MAGI2: variants seen among roughly 807,000 people sequenced by gnomAD.
The protein encoded by MAGI2 is membrane associated guanylate kinase, WW and PDZ domain containing 2.
Under a neutral mutation model 133.3 loss-of-function variants are expected in MAGI2, and 35 were observed. The observed-to-expected ratio is 0.26, with a 90% CI of 0.20 to 0.35. The LOEUF (loss-of-function observed/expected upper bound fraction) is 0.35. Ranked by LOEUF, MAGI2 falls within the 10% of genes least tolerant of loss-of-function variation. MAGI2 has a pLI of 1.00. For synonymous variants in MAGI2, 729 were observed against 710.6 expected (o/e 1.03, Z -0.41); for missense variants, 1,636 against 1,863.4 (o/e 0.88, Z 2.25).
chr7:78,556,234 CA>C (rs1799812091), intron 3 of MAGI2, among the ~76,000 whole-genome samples: 1 of 152,120 alleles, frequency 6.6e-6, no homozygotes, highest in African/African-American at 2.4e-5. Context: ...GAATGACTTA[CA>C]GGGGTCAACT....
intron 1 of MAGI2, among the ~76,000 whole-genome samples, chr7:79,240,954 A>T (rs1458613543): frequency 3.9e-5 from 6 of 152,136 alleles, no homozygotes; most frequent in Non-Finnish European, 8.8e-5. Flanking sequence ...TCCCTTCAAA[A>T]AGTAAACAGA....
At chr7:78,880,090 A>T (rs1563616311) in intron 2 of MAGI2, among the ~76,000 whole-genome samples, 1 of 152,122 alleles carries the variant, frequency 6.6e-6, no homozygotes, top group Admixed American at 6.6e-5. Context: ...AACCAAACCT[A>T]TAAATTACTG....
intron 2 of MAGI2, among the ~76,000 whole-genome samples, chr7:78,841,696 C>A (rs540634581): frequency 3.6e-4 from 55 of 152,110 alleles, no homozygotes; most frequent in Non-Finnish European, 4.3e-4. Flanking sequence ...AATATGCTCT[C>A]ATATTTTCTG....
intron 20 of MAGI2, among the ~76,000 whole-genome samples, chr7:78,107,454 CT>C (rs1343291900): frequency 6.6e-6 from 1 of 152,120 alleles, no homozygotes; most frequent in African/African-American, 2.4e-5. Context: ...GACATTTTAA[CT>C]ATATTAATTC....
chr7:78,514,746 A>G (rs1324510708), intron 4 of MAGI2, among the ~76,000 whole-genome samples: 2 of 152,216 alleles, frequency 1.3e-5, no homozygotes, highest in African/African-American at 4.8e-5. Context: ...TCACAGAACC[A>G]GGACTGATGG....
chr7:79,421,635 A>G (rs1585918656), intron 1 of MAGI2, among the ~76,000 whole-genome samples: 1 of 151,860 alleles, frequency 6.6e-6, no homozygotes, highest in East Asian at 1.9e-4. Context: ...AAGTGGCCCT[A>G]TCTCATTGCA....
intron 9 of MAGI2, among the ~76,000 whole-genome samples, chr7:78,280,035 A>G (rs1160793131): frequency 6.6e-6 from 1 of 152,128 alleles, no homozygotes; most frequent in East Asian, 1.9e-4. Context: ...CAGCTGAAAC[A>G]TGGCAAGTTT....
intron 18 of MAGI2, among the ~76,000 whole-genome samples, chr7:78,131,358 G>C (rs1821544869): frequency 6.6e-6 from 1 of 152,196 alleles, no homozygotes; most frequent in Non-Finnish European, 1.5e-5. Context: ...TTCTATGAAA[G>C]CAAATGGGAA....
chr7:79,191,927 T>G (rs566366403), intron 1 of MAGI2, among the ~76,000 whole-genome samples: 43 of 152,020 alleles, frequency 2.8e-4, no homozygotes, highest in African/African-American at 9.9e-4. Flanking sequence ...TGGAACTCTT[T>G]GGGAATGCAT....
At chr7:78,201,236 G>A (rs760837976) in intron 10 of MAGI2, 43 bp from the exon 11 acceptor site, 12 of 1,038,648 alleles carry the variant, frequency 1.2e-5, no homozygotes, top group Admixed American at 8.7e-5. Context: ...AAATATTACC[G>A]ACTGCCACTT....
intron 6 of MAGI2, among the ~76,000 whole-genome samples, chr7:78,406,548 C>A (rs959745568): frequency 6.6e-6 from 1 of 152,000 alleles, no homozygotes; most frequent in African/African-American, 2.4e-5. Context: ...TATGAGTTTC[C>A]TATGACATGA....
chr7:78,249,620 G>C (rs942507435), intron 10 of MAGI2, among the ~76,000 whole-genome samples: 5 of 152,002 alleles, frequency 3.3e-5, no homozygotes, highest in African/African-American at 1.2e-4. Flanking sequence ...GACAAATACT[G>C]CACGATCTCA....
chr7:78,812,403 C>A (rs897982101), intron 2 of MAGI2, among the ~76,000 whole-genome samples: 1 of 152,162 alleles, frequency 6.6e-6, no homozygotes, highest in Non-Finnish European at 1.5e-5. Flanking sequence ...GTTGAAGCTT[C>A]TTAGCCTGGA....
intron 3 of MAGI2, among the ~76,000 whole-genome samples, chr7:78,590,924 G>C (rs557596988): frequency 1.8e-4 from 27 of 152,180 alleles, no homozygotes; most frequent in Non-Finnish European, 3.7e-4. Context: ...GAGAAAAAAG[G>C]TAAAGATGAA....
intron 2 of MAGI2, among the ~76,000 whole-genome samples, chr7:78,902,800 T>C (rs1441962628): frequency 6.6e-6 from 1 of 152,106 alleles, no homozygotes; most frequent in Non-Finnish European, 1.5e-5. Context: ...TTGGTAGTTC[T>C]CCCGGGCAAC....
chr7:78,259,599 C>G (rs1793319631), intron 9 of MAGI2, among the ~76,000 whole-genome samples: 1 of 152,190 alleles, frequency 6.6e-6, no homozygotes, highest in Admixed American at 6.6e-5. Flanking sequence ...ACCACAGTTA[C>G]AGTCAAGGAT....
intron 1 of MAGI2, among the ~76,000 whole-genome samples, chr7:79,015,002 T>C (rs1015784369): frequency 6.6e-6 from 1 of 152,228 alleles, no homozygotes; most frequent in Non-Finnish European, 1.5e-5. Context: ...GCTCATACTT[T>C]GGTATGCTTG....
At chr7:78,540,046 G>T (rs187586993) in intron 3 of MAGI2, among the ~76,000 whole-genome samples, 1 of 152,210 alleles carries the variant, frequency 6.6e-6, no homozygotes, top group Non-Finnish European at 1.5e-5. Context: ...TTTCAAGAGC[G>T]CATCAGCTGT....
intron 3 of MAGI2, among the ~76,000 whole-genome samples, chr7:78,620,768 TAAAG>T (rs149524778): frequency 0.01 from 1,597 of 152,124 alleles, 23 homozygotes; most frequent in African/African-American, 0.035. Context: ...TATGTCCACT[TAAAG>T]AAAACATTTA....
Sources: allele counts gnomAD v4.1 joint callset (sites outside exome capture counted in the v4.1 genomes callset), GRCh38; gene constraint gnomAD v4.1.1; transcripts MANE v1.5; gene names NCBI Gene and HGNC (gene_info 2026-07-23, HGNC 2026-07-21).